Variants in THSD7B observed in about 807,000 individuals in gnomAD.
THSD7B encodes thrombospondin type 1 domain containing 7B, also known as thrombospondin type-1 domain-containing protein 7B.
THSD7B carries 138 observed loss-of-function variants against 213.6 expected under a neutral mutation model. That is an observed-to-expected ratio of 0.65 (90% confidence interval 0.56 to 0.74). THSD7B has a LOEUF of 0.74. THSD7B is among the 30% of genes least tolerant of loss of function. THSD7B has a pLI of 0.00. For synonymous variants in THSD7B, 742 were observed against 687.0 expected (o/e 1.08, Z -1.25); for missense variants, 1,931 against 1,991.5 (o/e 0.97, Z 0.58).
intron 2 of THSD7B, among the ~76,000 whole-genome samples, chr2:136,961,822 G>A (rs1685225001): frequency 6.6e-6 from 1 of 152,152 alleles, no homozygotes; most frequent in African/African-American, 2.4e-5. Context: ...CAAGGGAATG[G>A]GGAACTAAAG....
At chr2:137,171,711 A>T (rs766929909) in intron 7 of THSD7B, among the ~76,000 whole-genome samples, 1 of 152,234 alleles carries the variant, frequency 6.6e-6, no homozygotes, top group Non-Finnish European at 1.5e-5. Flanking sequence ...AAGCGTTTTG[A>T]ACTTATGCAG....
intron 1 of THSD7B, among the ~76,000 whole-genome samples, chr2:136,800,813 AT>A (rs974913567): frequency 3.3e-5 from 5 of 151,228 alleles, no homozygotes; most frequent in Admixed American, 6.6e-5. Context: ...TAACTTCTCA[AT>A]TTTTTTTCTC....
At position 137,566,924 on chromosome 2, in the gene THSD7B, A is replaced by G. The variant is rs201491548; in HGVS notation, c.3272+3570A>G. On this transcript the variant is annotated intron_variant, in intron 16 of 27. Coordinates refer to ENST00000409968, the MANE Select transcript of THSD7B (RefSeq NM_001316349.2). ...AAAATATTTGAGCACAAACCTAAAT[A>G]TAGTGAGAGACCTGAATAAGCATGA... 1.2e-4 allele frequency among the ~76,000 whole-genome samples: 19 copies of G among 152,290 alleles called. No homozygotes were observed. The East Asian group carries it at 3.7e-3, about 29-fold the overall frequency.
chr2:136,930,673 T>C (rs1684612537), intron 2 of THSD7B, among the ~76,000 whole-genome samples: 1 of 152,168 alleles, frequency 6.6e-6, no homozygotes, highest in African/African-American at 2.4e-5. Flanking sequence ...GTATATCAGC[T>C]CTAAAGAGTA....
intron 12 of THSD7B, among the ~76,000 whole-genome samples, chr2:137,404,458 TATATATATATATATATACACAC>T (rs1456307237): frequency 1.8e-5 from 2 of 108,432 alleles, no homozygotes; most frequent in East Asian, 2.5e-4. Context: ...TATATATATA[TATATATATATATATATACACAC>T]ACACACACAC....
At chr2:137,311,933 T>C (rs528468130) in intron 12 of THSD7B, among the ~76,000 whole-genome samples, 1,683 of 143,048 alleles carry the variant, frequency 0.012, 42 homozygotes, top group African/African-American at 0.043. Context: ...GATTTTTGCA[T>C]CAATGTTCAT....
intron 12 of THSD7B, among the ~76,000 whole-genome samples, chr2:137,285,027 G>T (rs555345966): frequency 2.0e-5 from 3 of 152,178 alleles, no homozygotes; most frequent in Non-Finnish European, 4.4e-5. Context: ...ATTATTGTGT[G>T]GGAGTCTAAG....
intron 13 of THSD7B, among the ~76,000 whole-genome samples, chr2:137,410,038 A>G (rs1377326476): frequency 6.6e-6 from 1 of 152,156 alleles, no homozygotes; most frequent in East Asian, 1.9e-4. Flanking sequence ...ATTCAACAAT[A>G]TTTTATGGAA....
intron 4 of THSD7B, among the ~76,000 whole-genome samples, chr2:137,114,516 A>G (rs973697838): frequency 5.3e-5 from 8 of 152,218 alleles, no homozygotes; most frequent in Non-Finnish European, 8.8e-5. Context: ...ATATAACAGT[A>G]TGGCTGCATA....
chr2:137,092,990 G>C (rs1428239265), intron 3 of THSD7B, among the ~76,000 whole-genome samples: 2 of 152,168 alleles, frequency 1.3e-5, no homozygotes, highest in Non-Finnish European at 2.9e-5. Context: ...AAATCTCTCT[G>C]TCAGTATTTG....
intron 2 of THSD7B, among the ~76,000 whole-genome samples, chr2:136,959,493 C>T (rs1334275949): frequency 1.3e-5 from 2 of 152,184 alleles, no homozygotes; most frequent in Admixed American, 6.5e-5. Context: ...GTGAAACTTA[C>T]TACCTTTCAT....
At chr2:137,285,918 A>C (rs895018026) in intron 12 of THSD7B, among the ~76,000 whole-genome samples, 2 of 152,052 alleles carry the variant, frequency 1.3e-5, no homozygotes, top group African/African-American at 4.8e-5. Context: ...AGCCTGACCA[A>C]CATGGTGAAA....
intron 1 of THSD7B, among the ~76,000 whole-genome samples, chr2:136,809,973 CA>C (rs1180104152): frequency 1.2e-4 from 19 of 152,104 alleles, no homozygotes; most frequent in Admixed American, 3.9e-4. Context: ...TTCATCAGCC[CA>C]GAGCAGGCAG....
chr2:137,401,850 C>A (rs1686373765), intron 12 of THSD7B, among the ~76,000 whole-genome samples: 1 of 152,148 alleles, frequency 6.6e-6, no homozygotes, highest in African/African-American at 2.4e-5. Flanking sequence ...ATTTGCTCTG[C>A]ACAGCCCTGT....
chr2:136,894,885 A>G (rs1402230318), intron 2 of THSD7B, among the ~76,000 whole-genome samples: 1 of 152,158 alleles, frequency 6.6e-6, no homozygotes, highest in Non-Finnish European at 1.5e-5. Flanking sequence ...TGGGCCTCCA[A>G]TATTTTCCTC....
chr2:137,288,342 T>C (rs1463545132), intron 12 of THSD7B, among the ~76,000 whole-genome samples: 1 of 152,078 alleles, frequency 6.6e-6, no homozygotes, highest in Non-Finnish European at 1.5e-5. Flanking sequence ...AATCACTCTT[T>C]TAGCTGAGGT....
At chr2:137,345,885 A>C (rs1181062347) in intron 12 of THSD7B, among the ~76,000 whole-genome samples, 1 of 151,690 alleles carries the variant, frequency 6.6e-6, no homozygotes, top group African/African-American at 2.4e-5. Flanking sequence ...GAACAGACAC[A>C]CACACACATA....
chr2:136,916,417 G>A (rs1210672766), intron 2 of THSD7B, among the ~76,000 whole-genome samples: 1 of 152,160 alleles, frequency 6.6e-6, no homozygotes, highest in Non-Finnish European at 1.5e-5. Context: ...GACGGTTAGT[G>A]TGCATTCACT....
intron 12 of THSD7B, among the ~76,000 whole-genome samples, chr2:137,306,582 C>T (rs1683752262): frequency 6.6e-6 from 1 of 151,966 alleles, no homozygotes; most frequent in East Asian, 1.9e-4. Flanking sequence ...TTGCTCTATA[C>T]CTAATGGGCA....
Sources: gnomAD v4.1 joint callset for allele counts (sites outside exome capture counted in the v4.1 genomes callset) on GRCh38, gnomAD v4.1.1 for gene constraint, MANE v1.5 for transcripts, NCBI Gene and HGNC (gene_info 2026-07-23, HGNC 2026-07-21) for gene names.